Variants in PDE1A observed in about 807,000 individuals in gnomAD.
PDE1A encodes phosphodiesterase 1A.
PDE1A carries 35 observed loss-of-function variants against 61.7 expected under a neutral mutation model. That is an observed-to-expected ratio of 0.57 (90% CI 0.43 to 0.75). The LOEUF is 0.75. Among genes scored for constraint, PDE1A ranks in the 30% least tolerant of loss-of-function variants. PDE1A has a pLI of 0.00. For synonymous variants in PDE1A, 232 were observed against 213.2 expected (o/e 1.09, Z -0.77); for missense variants, 597 against 630.6 (o/e 0.95, Z 0.57).
At chr2:182,676,601 A>G in the PDE1A span, among the ~76,000 whole-genome samples, 1 of 152,166 alleles carries the variant, frequency 6.6e-6, no homozygotes, top group Non-Finnish European at 1.5e-5. Context: ...AATCTGACAA[A>G]GACACAACAG....
chr2:182,258,566 A>G (rs2125766417), intron 2 of PDE1A, among the ~76,000 whole-genome samples: 1 of 152,350 alleles, frequency 6.6e-6, no homozygotes, highest in African/African-American at 2.4e-5. Flanking sequence ...GTTATAATTC[A>G]TATCTCTAAA....
At chr2:182,284,672 G>A (rs1694039808) in intron 1 of PDE1A, among the ~76,000 whole-genome samples, 1 of 151,896 alleles carries the variant, frequency 6.6e-6, no homozygotes, top group African/African-American at 2.4e-5. Context: ...AATATAGATG[G>A]GTGGTAATTT....
intron 10 of PDE1A, 34 bp from the exon 11 acceptor site, chr2:182,189,094 G>C (rs1367969210): frequency 1.4e-6 from 2 of 1,436,212 alleles, no homozygotes; most frequent in Non-Finnish European, 1.9e-6. Flanking sequence ...TATAGACTTG[G>C]GTTGGAGAAG....
At chr2:182,666,465 G>A in the PDE1A span, among the ~76,000 whole-genome samples, 5 of 152,028 alleles carry the variant, frequency 3.3e-5, no homozygotes, top group Middle Eastern at 3.4e-3. Flanking sequence ...AAAATTAGCC[G>A]GGTGTGGTGG....
At chr2:182,249,689 G>A (rs935764541) in intron 2 of PDE1A, among the ~76,000 whole-genome samples, 1 of 151,384 alleles carries the variant, frequency 6.6e-6, no homozygotes, top group Non-Finnish European at 1.5e-5. Flanking sequence ...ACCTATGTCT[G>A]CGTTCTGAGC....
At chr2:182,256,097 T>TA (rs1691785990) in intron 2 of PDE1A, among the ~76,000 whole-genome samples, 2 of 149,074 alleles carry the variant, frequency 1.3e-5, no homozygotes, top group African/African-American at 2.5e-5. Context: ...CTTTTTTTTT[T>TA]ATTATACTTT....
At chr2:182,619,054 C>T in the PDE1A span, among the ~76,000 whole-genome samples, 41 of 150,912 alleles carry the variant, frequency 2.7e-4, no homozygotes, top group Admixed American at 9.2e-4. Context: ...CAAAAATAGG[C>T]GGGTGAGCGG....
chr2:182,267,880 A>C (rs924986468), intron 1 of PDE1A, among the ~76,000 whole-genome samples: 1 of 152,078 alleles, frequency 6.6e-6, no homozygotes, highest in East Asian at 1.9e-4. Flanking sequence ...GCTTTATTGT[A>C]TATATCTGTA....
intron 11 of PDE1A, among the ~76,000 whole-genome samples, chr2:182,187,685 T>C (rs941760467): frequency 6.6e-6 from 1 of 151,816 alleles, no homozygotes; most frequent in Non-Finnish European, 1.5e-5. Context: ...GTTAAATCAG[T>C]GTTAATTGAC....
intron 2 of PDE1A, among the ~76,000 whole-genome samples, chr2:182,467,658 G>A (rs528706277): frequency 6.6e-6 from 1 of 151,878 alleles, no homozygotes; most frequent in Admixed American, 6.6e-5. Context: ...AAATAAATTA[G>A]CAAATCAAAT....
At chr2:182,230,524 T>C (rs1689494405) in intron 5 of PDE1A, among the ~76,000 whole-genome samples, 1 of 152,166 alleles carries the variant, frequency 6.6e-6, no homozygotes, top group Non-Finnish European at 1.5e-5. Context: ...TCTCAGTACT[T>C]TATAGCTCTA....
chr2:182,497,903 G>A (rs1274845560), intron 2 of PDE1A, among the ~76,000 whole-genome samples: 4 of 151,906 alleles, frequency 2.6e-5, no homozygotes, highest in Non-Finnish European at 2.9e-5. Flanking sequence ...AAAATCAGCC[G>A]GGCGTGGTGG....
intron 1 of PDE1A, among the ~76,000 whole-genome samples, chr2:182,375,954 C>T (rs892493690): frequency 6.6e-6 from 1 of 152,208 alleles, no homozygotes. Flanking sequence ...CCCTTTCAGC[C>T]AAAGCTGGAG....
At chr2:182,546,865 T>A in the PDE1A span, among the ~76,000 whole-genome samples, 1 of 152,224 alleles carries the variant, frequency 6.6e-6, no homozygotes, top group African/African-American at 2.4e-5. Flanking sequence ...GCAGAAGATA[T>A]GGTTAACTTG....
chr2:182,396,980 A>C (rs1701740756), intron 1 of PDE1A, among the ~76,000 whole-genome samples: 1 of 151,996 alleles, frequency 6.6e-6, no homozygotes, highest in Non-Finnish European at 1.5e-5. Context: ...AAATTTATCT[A>C]CCTGTGGGTA....
intron 1 of PDE1A, among the ~76,000 whole-genome samples, chr2:182,417,582 T>C (rs1253889405): frequency 2.6e-5 from 4 of 152,224 alleles, no homozygotes; most frequent in Non-Finnish European, 4.4e-5. Context: ...TTTATCCTTC[T>C]TCATATTCAG....
In PDE1A at chr2:182,240,193, C is replaced by T; in HGVS notation, c.267G>A (p.Met89Ile). ...CCTCAGGTTTCTTTTTTGTCATCCC[C>T]ATTTTCCGTGTAAAGGTAGAAGCCA... The change falls in exon 3 of 14, where the codon ATG (methionine) becomes ATA (isoleucine). Residue 89 changes from methionine (M) to isoleucine (I), a missense_variant. Physicochemically the swap from Met to Ile is conservative, Grantham distance 10. Transcript: ENST00000351439. 7 of 1,613,932 alleles carry T rather than the reference C, an allele frequency of 4.3e-6. No homozygotes were observed. Among genetic ancestry groups the T allele is most frequent in the Non-Finnish European group, 5.1e-6 (6 of 1,179,918 alleles).
chr2:182,362,461 G>A (rs1699564764), intron 1 of PDE1A, among the ~76,000 whole-genome samples: 2 of 152,132 alleles, frequency 1.3e-5, no homozygotes. Flanking sequence ...AATAAAAAGT[G>A]ACCAACTGTC....
intron 13 of PDE1A, among the ~76,000 whole-genome samples, chr2:182,176,152 T>C (rs1454532594): frequency 1.3e-5 from 2 of 148,704 alleles, no homozygotes; most frequent in Non-Finnish European, 2.9e-5. Context: ...GGCTTAGGAT[T>C]GACTTGGCGA....
Sources: gnomAD v4.1 joint callset for allele counts (sites outside exome capture counted in the v4.1 genomes callset) on GRCh38, gnomAD v4.1.1 for gene constraint, MANE v1.5 for transcripts, NCBI Gene and HGNC (gene_info 2026-07-23, HGNC 2026-07-21) for gene names.